Variants in MAMLD1 observed in about 807,000 individuals in gnomAD.
MAMLD1 encodes mastermind like domain containing 1, also known as mastermind-like domain-containing protein 1.
Under a neutral mutation model 45.0 loss-of-function variants are expected in MAMLD1, and 14 were observed. The ratio of observed to expected loss-of-function variants is 0.31; its 90% confidence interval spans 0.21 to 0.49. The LOEUF is 0.49. Among genes scored for constraint, MAMLD1 ranks in the 20% least tolerant of loss-of-function variants. The probability of loss-of-function intolerance (pLI) is 0.99; values close to 1 mark genes in which losing one functional copy is unlikely to be tolerated. For synonymous variants in MAMLD1, 254 were observed against 247.8 expected (o/e 1.02, Z -0.24); for missense variants, 543 against 603.6 (o/e 0.90, Z 1.05).
chrX:150,361,998 G>A (rs1482145661), upstream of MAMLD1, among the ~76,000 whole-genome samples: 1 of 112,816 alleles, frequency 8.9e-6, no homozygotes, highest in African/African-American at 3.2e-5. Context: ...AAGCGTACTG[G>A]CGGGCGACGC....
At chrX:150,418,603 C>T (rs1408302019) in intron 1 of MAMLD1, among the ~76,000 whole-genome samples, 1 of 99,692 alleles carries the variant, frequency 1.0e-5, no homozygotes, top group Admixed American at 1.1e-4. Context: ...CTACACACTG[C>T]TTTGAATGCG....
At chrX:150,378,842 T>C (rs2032458588) in intron 1 of MAMLD1, among the ~76,000 whole-genome samples, 1 of 111,506 alleles carries the variant, frequency 9.0e-6, no homozygotes. Flanking sequence ...AATCATCCTC[T>C]GAGCGCGCCC....
intron 3 of MAMLD1, 89 bp downstream of exon 3, chrX:150,462,935 A>C: frequency 7.3e-6 from 5 of 681,919 alleles, no homozygotes; most frequent in East Asian, 3.4e-5. Flanking sequence ...ACAAGAGGTC[A>C]CACCACAAGG....
At chrX:150,398,270 A>G (rs868910970) in intron 1 of MAMLD1, among the ~76,000 whole-genome samples, 1 of 43,359 alleles carries the variant, frequency 2.3e-5, no homozygotes, top group Non-Finnish European at 4.1e-5. Context: ...GAAGAAGAAG[A>G]AGAAGAAGAA....
intron 2 of MAMLD1, among the ~76,000 whole-genome samples, chrX:150,449,368 C>A (rs2035591344): frequency 9.0e-6 from 1 of 111,082 alleles, no homozygotes; most frequent in Non-Finnish European, 1.9e-5. Flanking sequence ...GAGAGAGGAG[C>A]CCTCAGTGTA....
chrX:150,380,321 T>A (rs1461198032), intron 1 of MAMLD1, among the ~76,000 whole-genome samples: 1 of 112,115 alleles, frequency 8.9e-6, no homozygotes, highest in Non-Finnish European at 1.9e-5. Flanking sequence ...CTTTTGATAT[T>A]TTTATGTGTG....
chrX:150,476,674 G>A (rs1279512048), intron 5 of MAMLD1, among the ~76,000 whole-genome samples: 1 of 112,784 alleles, frequency 8.9e-6, no homozygotes, highest in Non-Finnish European at 1.9e-5. Context: ...GGCAGCTGTG[G>A]AGAAATAGAC....
intron 5 of MAMLD1, among the ~76,000 whole-genome samples, chrX:150,502,827 C>T (rs1336399691): frequency 2.1e-5 from 1 of 47,778 alleles, no homozygotes; most frequent in Non-Finnish European, 3.7e-5. Context: ...GGGGTGGTCA[C>T]TGGGGTGGGG....
At chrX:150,368,265 G>A (rs1557400838) in intron 1 of MAMLD1, among the ~76,000 whole-genome samples, 1 of 111,295 alleles carries the variant, frequency 9.0e-6, no homozygotes, top group African/African-American at 3.3e-5. Context: ...ACTGGTGTGA[G>A]ATGGTATCTC....
chrX:150,445,614 T>C lies in MAMLD1; in HGVS notation c.96+2T>C. 8.5e-7 allele frequency: 1 copy of C among 1,173,651 alleles called. No homozygotes were observed. Among genetic ancestry groups the C allele is most frequent in the Non-Finnish European group, 1.2e-6 (1 of 861,906 alleles). On this transcript the variant is annotated splice_donor_variant, in intron 2 of 7. Coordinates refer to ENST00000370401, the MANE Select transcript of MAMLD1 (RefSeq NM_005491.5). LOFTEE classifies it high-confidence loss of function. ...GAGCCCAGAAAGCTCCAGGAATCGGTCAGACAATGGGCCATGGGGGGAGGG... is the reference window on the plus strand; with the variant it reads ...GAGCCCAGAAAGCTCCAGGAATCGGCCAGACAATGGGCCATGGGGGGAGGG...
At chrX:150,474,411 G>A (rs782491960) in intron 5 of MAMLD1, among the ~76,000 whole-genome samples, 7 of 112,676 alleles carry the variant, frequency 6.2e-5, no homozygotes, top group African/African-American at 2.3e-4. Context: ...AGGACTAAGT[G>A]TGTTAATACA....
intron 1 of MAMLD1, among the ~76,000 whole-genome samples, chrX:150,405,638 G>A (rs2033974848): frequency 1.8e-5 from 2 of 112,067 alleles, no homozygotes; most frequent in Non-Finnish European, 1.9e-5. Context: ...GGGTGGTTGT[G>A]ATGTTATATG....
chrX:150,494,511 G>T (rs906694761), intron 5 of MAMLD1, among the ~76,000 whole-genome samples: 2 of 112,649 alleles, frequency 1.8e-5, no homozygotes, highest in African/African-American at 6.5e-5. Context: ...CCTGATCCAA[G>T]ATAATTATTC....
intron 5 of MAMLD1, among the ~76,000 whole-genome samples, chrX:150,489,250 A>G (rs1299722295): frequency 1.8e-5 from 2 of 111,105 alleles, no homozygotes; most frequent in Non-Finnish European, 3.8e-5. Flanking sequence ...GAGACAATGG[A>G]AATGCATTAT....
Position 150,470,898 on chromosome X carries a change from A to C in MAMLD1, c.1325A>C (p.His442Pro). 3 of 1,211,534 alleles carry C rather than the reference A, an allele frequency of 2.5e-6. No homozygotes were observed. The highest frequency in any genetic ancestry group is 3.4e-6 in the Non-Finnish European group (3 of 895,502). ...MSSTIKTPQG[H>P]LMSALPASNP... ...TCTACCATCAAAACCCCTCAAGGACACCTGATGTCTGCTCTGCCTGCCAGC... is the reference window on the plus strand; with the variant it reads ...TCTACCATCAAAACCCCTCAAGGACCCCTGATGTCTGCTCTGCCTGCCAGC... Residue 442 changes from histidine (H) to proline (P), a missense_variant, in exon 4 of 8, where the codon CAC (histidine) becomes CCC (proline). Transcript: ENST00000370401.
chrX:150,486,784 A>T (rs1342068699), intron 5 of MAMLD1, among the ~76,000 whole-genome samples: 2 of 111,514 alleles, frequency 1.8e-5, no homozygotes, highest in Non-Finnish European at 3.8e-5. Flanking sequence ...AGAAAGTAAG[A>T]GTGCAATAAA....
At chrX:150,472,583 T>C (rs146727438) in intron 4 of MAMLD1, among the ~76,000 whole-genome samples, 5,666 of 111,868 alleles carry the variant, frequency 0.051, 363 homozygotes, top group African/African-American at 0.17. Flanking sequence ...TGCCACACGG[T>C]CTCTTCACAG....
chrX:150,382,305 T>C (rs1557401714), intron 1 of MAMLD1, among the ~76,000 whole-genome samples: 1 of 111,438 alleles, frequency 9.0e-6, no homozygotes, highest in Non-Finnish European at 1.9e-5. Flanking sequence ...TTTTTATGGG[T>C]CTATTTCTGG....
intron 1 of MAMLD1, among the ~76,000 whole-genome samples, chrX:150,422,781 C>T (rs1419046355): frequency 9.0e-6 from 1 of 111,599 alleles, no homozygotes; most frequent in East Asian, 2.8e-4. Context: ...CCAAGCTTTG[C>T]TATAAAAAAG....
Sources: allele counts gnomAD v4.1 joint callset (sites outside exome capture counted in the v4.1 genomes callset), GRCh38; gene constraint gnomAD v4.1.1; transcripts MANE v1.5; gene names NCBI Gene and HGNC (gene_info 2026-07-23, HGNC 2026-07-21).